DNAH17: variants seen among roughly 807,000 people sequenced by gnomAD.
DNAH17 encodes dynein axonemal heavy chain 17.
A neutral mutation model predicts 485.6 loss-of-function variants in DNAH17; 376 were observed. The observed-to-expected ratio is 0.77, with a 90% CI of 0.71 to 0.84. The LOEUF (loss-of-function observed/expected upper bound fraction) is 0.84, where lower values mean the gene tolerates loss of function less well. Among genes scored for constraint, DNAH17 ranks in the 40% least tolerant of loss-of-function variants. DNAH17 has a pLI of 0.00. For missense variants in DNAH17, 6,370 were observed against 5,839.3 expected (o/e 1.09, Z -2.96); for synonymous variants, 3,031 against 2,405.9 (o/e 1.26, Z -7.60).
At chr17:78,471,888 T>G (rs560906827) in intron 54 of DNAH17, among the ~76,000 whole-genome samples, 1 of 152,300 alleles carries the variant, frequency 6.6e-6, no homozygotes, top group South Asian at 2.1e-4. Flanking sequence ...CAGCCCCATG[T>G]GTCCCGCTGT....
chr17:78,490,274 C>T (rs541975218), intron 44 of DNAH17, among the ~76,000 whole-genome samples: 1 of 152,368 alleles, frequency 6.6e-6, no homozygotes, highest in African/African-American at 2.4e-5. Flanking sequence ...AACCCGACCA[C>T]TGCCCATCCG....
rs1441990821 is a variant in DNAH17, at chr17:78,450,318, G to C, written c.10976C>G (p.Ser3659Cys). Residue 3659 changes from serine (S) to cysteine (C), a missense_variant, in exon 68 of 81, where the codon TCT becomes TGT. Coordinates refer to ENST00000389840, the MANE Select transcript of DNAH17 (RefSeq NM_173628.4). The stretch of plus-strand genomic sequence containing the variant: ...ATCGTTCAGTATGAAGTAGAGCAGA[G>C]ATGCCCTCTCCGCAGCCGGGCGGTA... ...ENYRPAAERA[S>C]LLYFILNDLN... 3 of 1,613,916 alleles carry C rather than the reference G, an allele frequency of 1.9e-6. No homozygotes were observed. The highest frequency in any genetic ancestry group is 2.7e-5 in the African/African-American group (2 of 74,950).
At position 78,537,787 on chromosome 17, in the gene DNAH17, G is replaced by A. The variant is rs537336493; in HGVS notation, c.2677-306C>T. On this transcript the variant is annotated intron_variant, in intron 18 of 80. Transcript: ENST00000389840. Reference sequence around the variant, plus strand: ...CTTGCCAGCTCTGAGGCCTTGGGGAGTCACTTAACTCCCAGTTTCCCCAAA... The same window carrying A: ...CTTGCCAGCTCTGAGGCCTTGGGGAATCACTTAACTCCCAGTTTCCCCAAA... 2.0e-5 allele frequency among the ~76,000 whole-genome samples: 3 copies of A among 152,356 alleles called. No individual in the cohort carries two copies. In the South Asian group the frequency reaches 6.2e-4, roughly 32 times the overall value.
chr17:78,427,466 T>C (rs2086516311), intron 77 of DNAH17, among the ~76,000 whole-genome samples: 1 of 152,190 alleles, frequency 6.6e-6, no homozygotes, highest in Non-Finnish European at 1.5e-5. Context: ...GGGCTTTCTG[T>C]AGGGACCATG....
Position 78,485,949 on chromosome 17 carries a change from G to A in DNAH17, c.7275+11C>T. On this transcript the variant is annotated intron_variant, in intron 46 of 80. Coordinates refer to ENST00000389840, the MANE Select transcript of DNAH17 (RefSeq NM_173628.4). ...ATCACCAGTCGGTGGCCCTGCTTTG[G>A]GGACAGTTACCTGCAGTGGGACATC... 1.9e-6 allele frequency: 3 copies of A among 1,610,224 alleles called. No individual in the cohort carries two copies. Among genetic ancestry groups the A allele is most frequent in the South Asian group, 2.2e-5 (2 of 90,898 alleles).
chr17:78,494,803 G>T lies in DNAH17; in HGVS notation c.6060C>A (p.Gly2020=). The T allele has an allele frequency of 6.2e-7, 1 of 1,608,766 alleles. No individual in the cohort carries two copies. The highest frequency in any genetic ancestry group is 8.5e-7 in the Non-Finnish European group (1 of 1,176,784). ...CCAGCACAGACTTGATGGCTCTCAG[G>T]CCCCAGTCGTAATGATCCTGCGGGC... ...LLSKQDHYDW[G]LRAIKSVLVV... The change falls in exon 40 of 81, where the codon GGC becomes GGA. Residue 2020 remains glycine (G), a synonymous_variant. Transcript: ENST00000389840.
At chr17:78,529,180 T>C (rs1187496744) in intron 22 of DNAH17, among the ~76,000 whole-genome samples, 1 of 152,140 alleles carries the variant, frequency 6.6e-6, no homozygotes, top group Non-Finnish European at 1.5e-5. Flanking sequence ...GCTCAGGCAA[T>C]CTGCCCACCT....
At position 78,570,302 on chromosome 17, in the gene DNAH17, GTGTTATA is replaced by G; in HGVS notation, c.982_988del (p.Tyr328HisfsTer19). The G allele has an allele frequency of 6.2e-7, 1 of 1,603,042 alleles. No homozygotes were observed. Reference sequence around the variant, plus strand: ...CAGGATGACGATGATCCTGGCAGGTGTGTTATAGTACTCAGAGGTGGCCCAGATGAAG... The same window carrying G: ...CAGGATGACGATGATCCTGGCAGGTGGTACTCAGAGGTGGCCCAGATGAAG... On this transcript the variant is annotated frameshift_variant, in exon 7 of 81. Transcript: ENST00000389840. LOFTEE classifies it high-confidence loss of function.
At chr17:78,575,126 C>T (rs1255694002) in intron 1 of DNAH17, 44 bp from the exon 2 acceptor site, 2 of 1,266,610 alleles carry the variant, frequency 1.6e-6, no homozygotes, top group Admixed American at 2.6e-5. Context: ...CTCCCGGGCT[C>T]CCCAATTTCC....
At chr17:78,515,530 AAGTT>A (rs2090758318) in intron 25 of DNAH17, among the ~76,000 whole-genome samples, 1 of 152,172 alleles carries the variant, frequency 6.6e-6, no homozygotes, top group Non-Finnish European at 1.5e-5. Flanking sequence ...ATAAAAATAA[AAGTT>A]AGCAGTTAAA....
Position 78,439,083 on chromosome 17 carries a change from C to G in DNAH17, c.11805+7G>C, listed in dbSNP as rs1269726653. On this transcript the variant is annotated splice_region_variant and intron_variant, in intron 73 of 80. Transcript: ENST00000389840. ...GCCCTTACCCTGCAGTGCTGGCCCC[C>G]TCGTACCTGCAGAATGACCCAGTGT... 1 of 1,612,698 alleles carries G rather than the reference C, an allele frequency of 6.2e-7. No homozygotes were observed. Among genetic ancestry groups the G allele is most frequent in the Non-Finnish European group, 8.5e-7 (1 of 1,179,638 alleles).
chr17:78,517,621 C>T (rs764535972), intron 25 of DNAH17, among the ~76,000 whole-genome samples: 2 of 152,162 alleles, frequency 1.3e-5, no homozygotes, highest in African/African-American at 2.4e-5. Flanking sequence ...CCCAGGCTCC[C>T]GAATTGCCTC....
At chr17:78,566,110 C>G (rs1364301700) in intron 11 of DNAH17, among the ~76,000 whole-genome samples, 1 of 152,102 alleles carries the variant, frequency 6.6e-6, no homozygotes, top group Non-Finnish European at 1.5e-5. Context: ...TCACCAGACA[C>G]CGAGTCTGCT....
Position 78,571,297 on chromosome 17 carries a change from A to T in DNAH17, c.814T>A (p.Tyr272Asn). The T allele has an allele frequency of 6.2e-7, 1 of 1,613,484 alleles. No homozygotes were observed. Among genetic ancestry groups the T allele is most frequent in the Non-Finnish European group, 8.5e-7 (1 of 1,179,574 alleles). Residue 272 changes from tyrosine to asparagine, a missense_variant, in exon 5 of 81, where the codon TAC becomes AAC. Physicochemically the swap from Tyr to Asn is moderately radical, Grantham distance 143. Transcript: ENST00000389840. ...SCYWPALQNV[Y>N]TNVTEGLKEA... ...GGCTCACCTTCAGTGACGTTGGTGTAAACGTTTTGCAGGGCTGGCCAGTAG... is the reference window on the plus strand; with the variant it reads ...GGCTCACCTTCAGTGACGTTGGTGTTAACGTTTTGCAGGGCTGGCCAGTAG...
chr17:78,487,314 C>A (rs769783552), intron 44 of DNAH17, among the ~76,000 whole-genome samples: 1 of 152,170 alleles, frequency 6.6e-6, no homozygotes, highest in Non-Finnish European at 1.5e-5. Context: ...ACTACATGGG[C>A]TGATATTTTT....
rs61736293 is a variant in DNAH17, at chr17:78,529,510, C to T, written c.3469G>A (p.Gly1157Arg). 38,333 of 1,613,942 alleles carry T rather than the reference C, an allele frequency of 0.024. 762 individuals are homozygous for T. The highest frequency in any genetic ancestry group is 0.1 in the African/African-American group (7,506 of 75,000). ...TGGATCTCCTCTGGCATCTCCTCCC[C>T]GTAGGTCTTGAGCAGCTCGATGGTT... ...KQTIELLKTY[G>R]EEMPEEIHLK... Residue 1157 changes from glycine (G) to arginine (R), a missense_variant, in exon 22 of 81, where the codon GGG becomes AGG. Gly to Arg is a moderately radical substitution (Grantham distance 125). Coordinates refer to ENST00000389840, the MANE Select transcript of DNAH17 (RefSeq NM_173628.4).
intron 75 of DNAH17, 54 bp downstream of exon 75, chr17:78,433,975 A>ACGAG: frequency 7.2e-7 from 1 of 1,386,468 alleles, no homozygotes; most frequent in African/African-American, 1.7e-5. Flanking sequence ...GAGGGAGGGA[A>ACGAG]GGAGGGAAAG....
chr17:78,439,665 C>CTTTTTTTTT, intron 72 of DNAH17, among the ~76,000 whole-genome samples: 1 of 92,214 alleles, frequency 1.1e-5, no homozygotes, highest in Middle Eastern at 0.011. Flanking sequence ...CAGTACTTCA[C>CTTTTTTTTT]TTTTTTTTTT....
chr17:78,572,983 A>C, intron 2 of DNAH17, 89 bp from the exon 3 acceptor site: 1 of 1,214,288 alleles, frequency 8.2e-7, no homozygotes, highest in Non-Finnish European at 1.1e-6. Context: ...GGTTCCAAAG[A>C]CCCGGTGTCT....
Sources: gnomAD v4.1 joint callset for allele counts (sites outside exome capture counted in the v4.1 genomes callset) on GRCh38, gnomAD v4.1.1 for gene constraint, MANE v1.5 for transcripts, NCBI Gene and HGNC (gene_info 2026-07-23, HGNC 2026-07-21) for gene names.